DENND5B: variants seen among roughly 807,000 people sequenced by gnomAD.
DENND5B encodes the protein DENN domain containing 5B.
Under a neutral mutation model 140.6 loss-of-function variants are expected in DENND5B, and 34 were observed. The ratio of observed to expected loss-of-function variants is 0.24; its 90% CI spans 0.18 to 0.32. The LOEUF is 0.32. DENND5B is among the 10% of genes least tolerant of loss of function. The pLI is 1.00. For synonymous variants in DENND5B, 551 were observed against 562.1 expected (o/e 0.98, Z 0.28); for missense variants, 1,142 against 1,560.2 (o/e 0.73, Z 4.52).
chr12:31,439,606 T>C (rs1347409536), intron 7 of DENND5B, among the ~76,000 whole-genome samples: 2 of 150,542 alleles, frequency 1.3e-5, no homozygotes, highest in Non-Finnish European at 2.9e-5. Flanking sequence ...ATTTGCCAAA[T>C]GAATGAATGA....
rs954578232 is a variant in DENND5B, at chr12:31,460,981, C to G, written c.905-600G>C. 1.5e-3 allele frequency among the ~76,000 whole-genome samples: 233 copies of G among 152,322 alleles called. 4 individuals carry two copies. The highest frequency in any genetic ancestry group is 8.1e-4 in the Non-Finnish European group (55 of 68,030). Reference sequence around the variant, plus strand: ...CCTCAAGCAATCCGCCTACCTCGGCCTCCCAAAGTGCTGGGATTACAGGCG... The same window carrying G: ...CCTCAAGCAATCCGCCTACCTCGGCGTCCCAAAGTGCTGGGATTACAGGCG... On this transcript the variant is annotated intron_variant, in intron 3 of 20. Transcript: ENST00000389082.
intron 1 of DENND5B, among the ~76,000 whole-genome samples, chr12:31,574,804 A>G (rs1204876464): frequency 6.6e-6 from 1 of 152,222 alleles, no homozygotes; most frequent in East Asian, 1.9e-4. Flanking sequence ...AAGAATATAC[A>G]AGATTTTACA....
At chr12:31,450,274 T>C (rs1944454213) in intron 5 of DENND5B, among the ~76,000 whole-genome samples, 1 of 152,196 alleles carries the variant, frequency 6.6e-6, no homozygotes, top group African/African-American at 2.4e-5. Flanking sequence ...CTGTCTGATG[T>C]GGGGAAAAAC....
intron 3 of DENND5B, among the ~76,000 whole-genome samples, chr12:31,472,928 ATCT>A (rs780597997): frequency 1.3e-5 from 2 of 151,328 alleles, no homozygotes; most frequent in Non-Finnish European, 3.0e-5. Context: ...TTGCACCAAA[ATCT>A]TCTAGTGAAG....
intron 18 of DENND5B, 67 bp from the exon 19 acceptor site, chr12:31,392,460 G>A (rs1231123589): frequency 5.6e-6 from 9 of 1,593,420 alleles, no homozygotes; most frequent in Non-Finnish European, 6.8e-6. Context: ...AAACACTAGA[G>A]AAGCAAGTGC....
At chr12:31,425,539 A>G (rs1470206169) in intron 9 of DENND5B, among the ~76,000 whole-genome samples, 1 of 152,174 alleles carries the variant, frequency 6.6e-6, no homozygotes, top group Non-Finnish European at 1.5e-5. Context: ...CTCCTTTTTT[A>G]TCTTTTCTTT....
chr12:31,418,739 GT>G (rs1349166977), intron 11 of DENND5B, among the ~76,000 whole-genome samples: 2 of 152,138 alleles, frequency 1.3e-5, no homozygotes, highest in Non-Finnish European at 1.5e-5. Context: ...TAATTAACAA[GT>G]TGGCTAGAGG....
Position 31,409,371 on chromosome 12 carries a change from G to A in DENND5B, c.2695C>T (p.Arg899Ter). The A allele has an allele frequency of 6.5e-7, 1 of 1,539,854 alleles. No individual in the cohort carries two copies. Among genetic ancestry groups the A allele is most frequent in the South Asian group, 1.2e-5 (1 of 83,704 alleles). Residue 899 changes from arginine to a stop codon, truncating the protein, a stop_gained, in exon 14 of 21, where the codon CGA becomes TGA. Coordinates refer to ENST00000389082, the MANE Select transcript of DENND5B (RefSeq NM_144973.4). LOFTEE classifies it high-confidence loss of function. Reference sequence around the variant, plus strand: ...TCTTCGCAACGTAGAAAAGCATATCGCTTATAAAGCTTCCTAGGAAAGGGT... The same window carrying A: ...TCTTCGCAACGTAGAAAAGCATATCACTTATAAAGCTTCCTAGGAAAGGGT... Reference protein sequence around the residue: ...NQPLTKKLYKRYAFLRCEEER... With the variant: ...NQPLTKKLYK
At chr12:31,542,914 C>T (rs940905838) in intron 1 of DENND5B, among the ~76,000 whole-genome samples, 1 of 152,120 alleles carries the variant, frequency 6.6e-6, no homozygotes, top group African/African-American at 2.4e-5. Context: ...CAAGACTGTG[C>T]CACCATTACT....
intron 4 of DENND5B, among the ~76,000 whole-genome samples, chr12:31,459,907 T>C (rs2138238705): frequency 6.6e-6 from 1 of 152,278 alleles, no homozygotes; most frequent in Admixed American, 6.5e-5. Flanking sequence ...AAAAAAAATA[T>C]GTTACTAGAA....
intron 1 of DENND5B, among the ~76,000 whole-genome samples, chr12:31,537,533 A>T (rs963908127): frequency 2.6e-5 from 4 of 152,182 alleles, no homozygotes; most frequent in African/African-American, 9.6e-5. Context: ...CTTCACTAAA[A>T]GGAAGACAGG....
chr12:31,545,175 AC>A (rs1293693953), intron 1 of DENND5B, among the ~76,000 whole-genome samples: 2 of 152,190 alleles, frequency 1.3e-5, no homozygotes, highest in Non-Finnish European at 2.9e-5. Flanking sequence ...AAATTCACGT[AC>A]AAAAAGATGA....
intron 1 of DENND5B, among the ~76,000 whole-genome samples, chr12:31,515,329 A>T (rs765116154): frequency 6.6e-6 from 1 of 152,180 alleles, no homozygotes. Context: ...TACATTTTTT[A>T]AAATTGCGAT....
In DENND5B at chr12:31,382,841, C is replaced by A. The variant is rs1415447919; in HGVS notation, c.*4762G>T. ...GGTTCTCCTTAGATTCTTTTGATCA[C>A]ACTACATCAGCAACCTCTTCAAAAA... On this transcript the variant is annotated 3_prime_UTR_variant, in exon 21 of 21. Transcript: ENST00000389082. 1 of 151,970 alleles carries A rather than the reference C, an allele frequency of 6.6e-6. No homozygotes were observed. The highest frequency in any genetic ancestry group is 1.5e-5 in the Non-Finnish European group (1 of 67,996). 9.4% of individuals were successfully genotyped at this position (151,970 alleles called of 1,614,324 possible). A position where few individuals can be genotyped will look rare whatever the true frequency, so the allele number is the denominator to read the frequency against.
chr12:31,411,210 G>C (rs560315862), intron 13 of DENND5B, among the ~76,000 whole-genome samples: 2 of 150,610 alleles, frequency 1.3e-5, no homozygotes, highest in South Asian at 4.2e-4. Context: ...GGCTAATTTT[G>C]TATTTTTAGT....
intron 1 of DENND5B, among the ~76,000 whole-genome samples, chr12:31,534,488 T>TAA (rs150319328): frequency 2.6e-5 from 4 of 152,022 alleles, no homozygotes; most frequent in Non-Finnish European, 5.9e-5. Flanking sequence ...TTATCTCTGA[T>TAA]AAAAATCACG....
chr12:31,420,183 G>T, intron 11 of DENND5B: 1 of 548,416 alleles, frequency 1.8e-6, no homozygotes, highest in Non-Finnish European at 2.3e-6. Context: ...CTAGAGTGCA[G>T]TGGTGGGATC....
At chr12:31,564,492 TA>T (rs1208937089) in intron 1 of DENND5B, among the ~76,000 whole-genome samples, 5 of 151,792 alleles carry the variant, frequency 3.3e-5, no homozygotes, top group African/African-American at 4.8e-5. Context: ...GACCAAAGCC[TA>T]ATGCTTCCTT....
rs1360687969 is a variant in DENND5B at position 31,389,464 on chromosome 12, C to A, written c.3501G>T (p.Gln1167His). The A allele has an allele frequency of 6.3e-7, 1 of 1,598,836 alleles. No individual in the cohort carries two copies. Among genetic ancestry groups the A allele is most frequent in the East Asian group, 2.2e-5 (1 of 44,656 alleles). Residue 1167 changes from glutamine to histidine, a missense_variant, in exon 20 of 21, where the codon CAG becomes CAT. By Grantham distance (24) the Gln-to-His change is conservative. This residue lies in a region of DENND5B where 125 missense variants were observed against 179.0 expected (regional missense o/e 0.70). Transcript: ENST00000389082. ...KVVAYFETTD[Q>H]ILDNEDDVLI... ...GGACATCATCTTCATTATCTAGAATCTGGTCAGTTGTTTCAAAATAAGCAA... is the reference window on the plus strand; with the variant it reads ...GGACATCATCTTCATTATCTAGAATATGGTCAGTTGTTTCAAAATAAGCAA...
Sources: gnomAD v4.1 joint callset for allele counts (sites outside exome capture counted in the v4.1 genomes callset) on GRCh38, gnomAD v4.1.1 for gene constraint, gnomAD v4.1.1 regional missense constraint, MANE v1.5 for transcripts, NCBI Gene and HGNC (gene_info 2026-07-23, HGNC 2026-07-21) for gene names.